The following KCNQ1OT1 variants were observed in gnomAD, a reference collection of about 807,000 sequenced individuals.
KCNQ1OT1 encodes KCNQ1 antisense RNA 2 (non-protein coding).
chr11:2,654,093 C>G lies in KCNQ1OT1; in HGVS notation n.45902G>C, dbSNP rs533259818. 2.5e-6 allele frequency: 1 copy of G among 398,790 alleles called. No homozygotes were observed. Among genetic ancestry groups the G allele is most frequent in the African/African-American group, 2.1e-5 (1 of 48,778 alleles). The allele number at this position is 398,790 out of a possible 1,614,324, so 24.7% of individuals were successfully genotyped here. On this transcript the variant is annotated non_coding_transcript_exon_variant, in exon 1 of 1. Coordinates refer to ENST00000597346, the Ensembl canonical transcript of KCNQ1OT1. This position sits in a 1 kb window ranked among gnomAD's most constrained non-coding sequence, Gnocchi z 6.4. Reference sequence around the variant, plus strand: ...CACTTTCCATCCATGTCCCTTACTTCTCGCCTCTGAGTGGAGACACAGGTG... The same window carrying G: ...CACTTTCCATCCATGTCCCTTACTTGTCGCCTCTGAGTGGAGACACAGGTG...
In KCNQ1OT1 at chr11:2,612,871, C is replaced by G; in HGVS notation, n.87124G>C. On this transcript the variant is annotated non_coding_transcript_exon_variant, in exon 1 of 1. Coordinates refer to ENST00000597346, the Ensembl canonical transcript of KCNQ1OT1. This position sits in a 1 kb window ranked among gnomAD's most constrained non-coding sequence, Gnocchi z 5.5. ...GAAACTCTGGATTCTAGTTCTTCTC[C>G]CTAACCAGGGATGATTTCTGTTACT... is the stretch of plus-strand genomic sequence containing the variant. The G allele has an allele frequency of 2.5e-6, 1 of 398,476 alleles. No homozygotes were observed. The highest frequency in any genetic ancestry group is 4.4e-6 in the Non-Finnish European group (1 of 226,038). 24.7% of individuals were successfully genotyped at this position (398,476 alleles called of 1,614,324 possible).
At chr11:2,615,218 G>A (rs1849041822) in exon 1 of KCNQ1OT1, 1 of 397,964 alleles carries the variant, frequency 2.5e-6, no homozygotes, top group Non-Finnish European at 4.4e-6. Context: ...GTATATAGAG[G>A]CACAAATGAT....
At chr11:2,688,121 G>A in exon 1 of KCNQ1OT1, 1 of 398,916 alleles carries the variant, frequency 2.5e-6, no homozygotes. Context: ...TGGGGGTGGG[G>A]ATACAGGCTG....
Position 2,664,442 on chromosome 11 carries a change from C to T in KCNQ1OT1, n.35553G>A. 1 of 398,662 alleles carries T rather than the reference C, an allele frequency of 2.5e-6. No homozygotes were observed. Among genetic ancestry groups the T allele is most frequent in the Non-Finnish European group, 4.4e-6 (1 of 226,116 alleles). The allele number at this position is 398,662 out of a possible 1,614,324, so 24.7% of individuals were successfully genotyped here. A position where few individuals can be genotyped will look rare whatever the true frequency, so the allele number is the denominator to read the frequency against. Reference sequence around the variant, plus strand: ...GTGTCAGGGCCTAGGAACCCAGGCTCCTCTGGGATACAGGCTGGGTAGAGG... The same window carrying T: ...GTGTCAGGGCCTAGGAACCCAGGCTTCTCTGGGATACAGGCTGGGTAGAGG... On this transcript the variant is annotated non_coding_transcript_exon_variant, in exon 1 of 1. Coordinates refer to ENST00000597346, the Ensembl canonical transcript of KCNQ1OT1. The surrounding 1 kb of genome is among the most constrained non-coding windows in gnomAD (Gnocchi z 5.1).
In KCNQ1OT1 at chr11:2,608,941, T is replaced by C. The variant is rs1848928900; in HGVS notation, n.91054A>G. On this transcript the variant is annotated non_coding_transcript_exon_variant, in exon 1 of 1. Transcript: ENST00000597346. The surrounding 1 kb of genome is among the most constrained non-coding windows in gnomAD (Gnocchi z 4.6). ...CCTTCTTTTCTTCTCCCTCTCCCTC[T>C]CTCTTACCAATCTATCAAAGGTTTG... 1 of 398,382 alleles carries C rather than the reference T, an allele frequency of 2.5e-6. No homozygotes were observed. The highest frequency in any genetic ancestry group is 4.4e-6 in the Non-Finnish European group (1 of 226,058). 24.7% of individuals were successfully genotyped at this position (398,382 alleles called of 1,614,324 possible).
At chr11:2,619,842 A>C (rs1849135039) in exon 1 of KCNQ1OT1, 1 of 396,864 alleles carries the variant, frequency 2.5e-6, no homozygotes, top group Admixed American at 4.4e-5. Flanking sequence ...TCTTTGTTTG[A>C]GGTTTTGGGG....
At position 2,668,306 on chromosome 11, in the gene KCNQ1OT1, C is replaced by T. The variant is rs1025646062; in HGVS notation, n.31689G>A. On this transcript the variant is annotated non_coding_transcript_exon_variant, in exon 1 of 1. Coordinates refer to ENST00000597346, the Ensembl canonical transcript of KCNQ1OT1. This position sits in a 1 kb window ranked among gnomAD's most constrained non-coding sequence, Gnocchi z 4.3. The stretch of plus-strand genomic sequence containing the variant: ...TTTTGGTGAGCATCAGGTTGCGTTT[C>T]TGGGGAATATATGCCTATGTGTGGA... 7.5e-6 allele frequency: 3 copies of T among 398,486 alleles called. No homozygotes were observed. The highest frequency in any genetic ancestry group is 8.8e-5 in the Admixed American group (2 of 22,710). The allele number at this position is 398,486 out of a possible 1,614,324, so 24.7% of individuals were successfully genotyped here.
Position 2,676,713 on chromosome 11 carries a change from C to T in KCNQ1OT1, n.23282G>A. ...GGACTACAGCCTGGCAGGAGATAAC[C>T]AAGTCATATGCATAGTGGCTTTGGG... is the stretch of plus-strand genomic sequence containing the variant. On this transcript the variant is annotated non_coding_transcript_exon_variant, in exon 1 of 1. Coordinates refer to ENST00000597346, the Ensembl canonical transcript of KCNQ1OT1. This position sits in a 1 kb window ranked among gnomAD's most constrained non-coding sequence, Gnocchi z 4.2. 2.5e-6 allele frequency: 1 copy of T among 398,606 alleles called. No homozygotes were observed. The highest frequency in any genetic ancestry group is 3.6e-5 in the East Asian group (1 of 28,082). 24.7% of individuals were successfully genotyped at this position (398,606 alleles called of 1,614,324 possible). A position where few individuals can be genotyped will look rare whatever the true frequency, so the allele number is the denominator to read the frequency against.
At chr11:2,638,979 G>A (rs368006687) in exon 1 of KCNQ1OT1, 15 of 152,036 alleles carry the variant, frequency 9.9e-5, no homozygotes, top group South Asian at 4.2e-4. Flanking sequence ...TTCAATCACC[G>A]ATATCCTTTC....
chr11:2,617,713 C>A lies in KCNQ1OT1; in HGVS notation n.82282G>T. On this transcript the variant is annotated non_coding_transcript_exon_variant, in exon 1 of 1. Coordinates refer to ENST00000597346, the Ensembl canonical transcript of KCNQ1OT1. This position sits in a 1 kb window ranked among gnomAD's most constrained non-coding sequence, Gnocchi z 4.6. ...AAGAGTTCCCTAACCCTAGCCAACA[C>A]TTAATAGCTATTCTCATGAGTGTGA... is the stretch of plus-strand genomic sequence containing the variant. The A allele has an allele frequency of 5.0e-6, 2 of 398,458 alleles. No individual in the cohort carries two copies. The highest frequency in any genetic ancestry group is 2.5e-4 in the South Asian group (2 of 7,860). 24.7% of individuals were successfully genotyped at this position (398,458 alleles called of 1,614,324 possible). A position where few individuals can be genotyped will look rare whatever the true frequency, so the allele number is the denominator to read the frequency against.
chr11:2,613,133 T>C lies in KCNQ1OT1; in HGVS notation n.86862A>G, dbSNP rs904223214. On this transcript the variant is annotated non_coding_transcript_exon_variant, in exon 1 of 1. Coordinates refer to ENST00000597346, the Ensembl canonical transcript of KCNQ1OT1. This position sits in a 1 kb window ranked among gnomAD's most constrained non-coding sequence, Gnocchi z 4.8. ...TCTTGAGCCAGTGAATCTTCCACCC[T>C]CTGCTGAGGGGATCTATGTGTGGGT... 3.0e-5 allele frequency: 12 copies of C among 398,516 alleles called. No individual in the cohort carries two copies. The highest frequency in any genetic ancestry group is 6.2e-4 in the Middle Eastern group (1 of 1,610). 24.7% of individuals were successfully genotyped at this position (398,516 alleles called of 1,614,324 possible). A position where few individuals can be genotyped will look rare whatever the true frequency, so the allele number is the denominator to read the frequency against.
Position 2,677,209 on chromosome 11 carries a change from C to T in KCNQ1OT1, n.22786G>A, listed in dbSNP as rs914880646. 1.0e-5 allele frequency: 4 copies of T among 398,478 alleles called. No homozygotes were observed. The highest frequency in any genetic ancestry group is 8.2e-5 in the African/African-American group (4 of 48,622). 24.7% of individuals were successfully genotyped at this position (398,478 alleles called of 1,614,324 possible). ...TCTGCTGACTGACCTCTTTGGCTGT[C>T]TCTTGTCAACCAAAGACAATATAAA... is the stretch of plus-strand genomic sequence containing the variant. On this transcript the variant is annotated non_coding_transcript_exon_variant, in exon 1 of 1. Transcript: ENST00000597346. This position sits in a 1 kb window ranked among gnomAD's most constrained non-coding sequence, Gnocchi z 4.5.
In KCNQ1OT1 at chr11:2,651,656, C is replaced by G. The variant is rs1305181328; in HGVS notation, n.48339G>C. 1 of 398,598 alleles carries G rather than the reference C, an allele frequency of 2.5e-6. No homozygotes were observed. Among genetic ancestry groups the G allele is most frequent in the African/African-American group, 2.1e-5 (1 of 48,646 alleles). 24.7% of individuals were successfully genotyped at this position (398,598 alleles called of 1,614,324 possible). On this transcript the variant is annotated non_coding_transcript_exon_variant, in exon 1 of 1. Transcript: ENST00000597346. The surrounding 1 kb of genome is among the most constrained non-coding windows in gnomAD (Gnocchi z 6.1). ...CCTGGGGTCTCTGTCTCTCCCACAG[C>G]TCACTGACATTAGCCACGTGGCCCT...
chr11:2,692,615 C>T (rs1028097350), exon 1 of KCNQ1OT1: 28 of 398,642 alleles, frequency 7.0e-5, no homozygotes, highest in Non-Finnish European at 1.1e-4. Flanking sequence ...TCCTGCTATA[C>T]ACCTGCTGTG....
chr11:2,697,005 T>G lies in KCNQ1OT1; in HGVS notation n.2990A>C, dbSNP rs1850688413. ...CCATGTAGCCCAGTAATTTTCAAAGTGTAGTCTGGGGATTCCAGAGAGCCC... is the reference window on the plus strand; with the variant it reads ...CCATGTAGCCCAGTAATTTTCAAAGGGTAGTCTGGGGATTCCAGAGAGCCC... On this transcript the variant is annotated non_coding_transcript_exon_variant, in exon 1 of 1. Transcript: ENST00000597346. The G allele has an allele frequency of 1.0e-5, 4 of 398,572 alleles. No homozygotes were observed. The East Asian group carries it at 1.4e-4, about 14-fold the overall frequency. The allele number at this position is 398,572 out of a possible 1,614,324, so 24.7% of individuals were successfully genotyped here. A position where few individuals can be genotyped will look rare whatever the true frequency, so the allele number is the denominator to read the frequency against.
At chr11:2,637,823 C>G (rs1036302090) in exon 1 of KCNQ1OT1, 1 of 152,168 alleles carries the variant, frequency 6.6e-6, no homozygotes, top group African/African-American at 2.4e-5. Flanking sequence ...GAGTCTGTCT[C>G]TTTGTAGATC....
exon 1 of KCNQ1OT1, chr11:2,633,382 C>A (rs1263361069): frequency 2.5e-6 from 1 of 398,394 alleles, no homozygotes; most frequent in South Asian, 1.3e-4. Context: ...TTGATACAGT[C>A]CCATTTGTCT....
exon 1 of KCNQ1OT1, chr11:2,672,663 G>A (rs1231181373): frequency 1.5e-5 from 6 of 398,626 alleles, no homozygotes; most frequent in Non-Finnish European, 2.2e-5. Flanking sequence ...AGATATGATA[G>A]GACCTTGCCC....
At chr11:2,631,422 GTTTGT>G in exon 1 of KCNQ1OT1, 1 of 396,900 alleles carries the variant, frequency 2.5e-6, no homozygotes, top group Non-Finnish European at 4.4e-6. Flanking sequence ...CCTCCAAAAT[GTTTGT>G]TTTTTTTTTA....
Sources: allele counts gnomAD v4.1 joint callset, GRCh38; gene constraint gnomAD v4.1.1; non-coding constraint Gnocchi (gnomAD v3.1); transcripts MANE v1.5; gene names NCBI Gene and HGNC (gene_info 2026-07-23, HGNC 2026-07-21).